The following DOCK3 variants were observed in gnomAD, a reference collection of about 807,000 sequenced individuals.
The protein encoded by DOCK3 is dedicator of cytokinesis 3.
A neutral mutation model predicts 265.6 loss-of-function variants in DOCK3; 60 were observed. The ratio of observed to expected loss-of-function variants is 0.23; its 90% confidence interval spans 0.18 to 0.28. The LOEUF (loss-of-function observed/expected upper bound fraction) is 0.28. Among genes scored for constraint, DOCK3 ranks in the 10% least tolerant of loss-of-function variants. The probability of loss-of-function intolerance (pLI) is 1.00; values close to 1 mark genes in which losing one functional copy is unlikely to be tolerated. For synonymous variants in DOCK3, 881 were observed against 938.0 expected (o/e 0.94, Z 1.11); for missense variants, 1,981 against 2,594.3 (o/e 0.76, Z 5.14).
At chr3:51,289,426 A>G (rs1261685223) in intron 27 of DOCK3, among the ~76,000 whole-genome samples, 1 of 152,214 alleles carries the variant, frequency 6.6e-6, no homozygotes, top group Non-Finnish European at 1.5e-5. Context: ...TTAATATACA[A>G]AAGATAAAAG....
chr3:50,996,075 T>C (rs1208870284), intron 5 of DOCK3, among the ~76,000 whole-genome samples: 2 of 151,816 alleles, frequency 1.3e-5, no homozygotes, highest in South Asian at 4.2e-4. Flanking sequence ...GGTTTCACCA[T>C]GTTGGCCAGG....
intron 4 of DOCK3, among the ~76,000 whole-genome samples, chr3:50,907,864 A>G (rs577039177): frequency 4.6e-5 from 7 of 151,724 alleles, no homozygotes; most frequent in Non-Finnish European, 1.0e-4. Flanking sequence ...TCTGGTTTGG[A>G]TGGTAGGCTA....
chr3:51,274,368 T>C (rs2080692992), intron 24 of DOCK3, among the ~76,000 whole-genome samples: 1 of 152,060 alleles, frequency 6.6e-6, no homozygotes, highest in African/African-American at 2.4e-5. Context: ...AGAGGGACAA[T>C]CTATAATCCA....
intron 32 of DOCK3, among the ~76,000 whole-genome samples, chr3:51,323,850 G>T (rs1213335171): frequency 6.6e-6 from 1 of 152,116 alleles, no homozygotes; most frequent in Non-Finnish European, 1.5e-5. Flanking sequence ...AGAACTGAAG[G>T]AGATGGAGAC....
At chr3:51,341,911 G>T (rs2085268642) in intron 38 of DOCK3, among the ~76,000 whole-genome samples, 1 of 152,346 alleles carries the variant, frequency 6.6e-6, no homozygotes, top group African/African-American at 2.4e-5. Context: ...TATGGGATTG[G>T]CAGCATTGTC....
At chr3:50,924,618 A>AAGTAT (rs1387069890) in intron 4 of DOCK3, among the ~76,000 whole-genome samples, 2 of 152,334 alleles carry the variant, frequency 1.3e-5, no homozygotes, top group East Asian at 3.9e-4. Flanking sequence ...ATGGGGTCAA[A>AAGTAT]AGTATGAACT....
chr3:51,212,065 C>G (rs1244077526), intron 13 of DOCK3, among the ~76,000 whole-genome samples: 1 of 152,166 alleles, frequency 6.6e-6, no homozygotes, highest in African/African-American at 2.4e-5. Context: ...TTCAGTCACC[C>G]AGGGTTTCAG....
intron 32 of DOCK3, among the ~76,000 whole-genome samples, chr3:51,317,143 T>C (rs1231032778): frequency 6.6e-6 from 1 of 151,954 alleles, no homozygotes; most frequent in Non-Finnish European, 1.5e-5. Flanking sequence ...GTATAAGGTA[T>C]GAAGGATGGA....
chr3:51,357,892 A>G, intron 45 of DOCK3, 51 bp downstream of exon 45: 3 of 1,613,374 alleles, frequency 1.9e-6, no homozygotes, highest in Non-Finnish European at 2.5e-6. Flanking sequence ...AAAGCCATGC[A>G]CTACAAGATG....
intron 5 of DOCK3, among the ~76,000 whole-genome samples, chr3:51,008,586 G>T (rs2078787157): frequency 6.6e-6 from 1 of 152,136 alleles, no homozygotes; most frequent in Non-Finnish European, 1.5e-5. Context: ...GGGACAATTT[G>T]ACTTCCTCTT....
intron 5 of DOCK3, among the ~76,000 whole-genome samples, chr3:50,949,132 CA>C (rs1476621934): frequency 6.6e-6 from 1 of 152,106 alleles, no homozygotes; most frequent in Admixed American, 6.6e-5. Flanking sequence ...CGTAGGACAT[CA>C]GAAGCACAAA....
intron 9 of DOCK3, among the ~76,000 whole-genome samples, chr3:51,146,015 C>T (rs1030008055): frequency 1.3e-5 from 2 of 152,188 alleles, no homozygotes; most frequent in East Asian, 1.9e-4. Context: ...GGTGGTAATG[C>T]TTGTCCACCT....
intron 5 of DOCK3, among the ~76,000 whole-genome samples, chr3:51,062,763 A>T (rs1027277904): frequency 1.3e-5 from 2 of 152,244 alleles, no homozygotes; most frequent in African/African-American, 4.8e-5. Flanking sequence ...TTTGATGGGA[A>T]AATAATAATT....
chr3:50,675,328 CG>C lies in DOCK3; in HGVS notation c.37+33del, dbSNP rs1204227560. 8.1e-7 allele frequency: 1 copy of C among 1,236,958 alleles called. No individual in the cohort carries two copies. Among genetic ancestry groups the C allele is most frequent in the Non-Finnish European group, 1.0e-6 (1 of 977,494 alleles). The allele number at this position is 1,236,958 out of a possible 1,614,324, so 76.6% of individuals were successfully genotyped here. ...AGGTGAGGCTCAGGCCTGGCCGTGGCGGGGGTTCTGGGGGACGCGCCCAGCT... is the reference window on the plus strand; with the variant it reads ...AGGTGAGGCTCAGGCCTGGCCGTGGCGGGGTTCTGGGGGACGCGCCCAGCT... On this transcript the variant is annotated intron_variant, in intron 1 of 52. Coordinates refer to ENST00000266037, the MANE Select transcript of DOCK3 (RefSeq NM_004947.5). This position sits in a 1 kb window ranked among gnomAD's most constrained non-coding sequence, Gnocchi z 6.1.
chr3:51,182,410 G>A (rs1025383518), intron 12 of DOCK3, among the ~76,000 whole-genome samples: 2 of 152,166 alleles, frequency 1.3e-5, no homozygotes, highest in African/African-American at 4.8e-5. Context: ...AATACTCTAA[G>A]GTATCAGACT....
At position 51,189,430 on chromosome 3, in the gene DOCK3, T is replaced by G. The variant is rs944059433; in HGVS notation, c.1038-19344T>G. ...CATCTCTCTCCCACCCTCCCCTTTC[T>G]GAGTCTCTAAAGTTCATTATATCAC... is the stretch of plus-strand genomic sequence containing the variant. On this transcript the variant is annotated intron_variant, in intron 12 of 52. Transcript: ENST00000266037. 4.6e-5 allele frequency among the ~76,000 whole-genome samples: 7 copies of G among 152,290 alleles called. No homozygotes were observed. In the East Asian group the frequency reaches 1.4e-3, roughly 29 times the overall value.
chr3:51,357,430 C>T (rs897821777), intron 44 of DOCK3, among the ~76,000 whole-genome samples: 4 of 152,130 alleles, frequency 2.6e-5, no homozygotes, highest in African/African-American at 7.2e-5. Flanking sequence ...GAGCCCAGCC[C>T]GTCAGGAGAA....
intron 12 of DOCK3, among the ~76,000 whole-genome samples, chr3:51,195,919 T>C (rs2107912067): frequency 6.6e-6 from 1 of 152,162 alleles, no homozygotes. Flanking sequence ...TTTTTTCTTT[T>C]ATTCTTCCTT....
intron 8 of DOCK3, 68 bp downstream of exon 8, chr3:51,089,352 G>T: frequency 6.6e-7 from 1 of 1,526,152 alleles, no homozygotes; most frequent in South Asian, 1.2e-5. Flanking sequence ...TACAACATAT[G>T]AATACACCAG....
Sources: allele counts gnomAD v4.1 joint callset (sites outside exome capture counted in the v4.1 genomes callset), GRCh38; gene constraint gnomAD v4.1.1; non-coding constraint Gnocchi (gnomAD v3.1); transcripts MANE v1.5; gene names NCBI Gene and HGNC (gene_info 2026-07-23, HGNC 2026-07-21).